Variants in KAT7 observed in about 807,000 individuals in gnomAD.
KAT7 encodes the protein histone acetyltransferase KAT7.
KAT7 carries 10 observed loss-of-function variants against 82.1 expected under a neutral mutation model. The observed-to-expected ratio is 0.12, with a 90% confidence interval of 0.08 to 0.21. The LOEUF is 0.21. KAT7 is among the 10% of genes least tolerant of loss of function. The pLI is 1.00. For missense variants in KAT7, 378 were observed against 760.9 expected, an observed-to-expected ratio of 0.50 and a Z score of 5.92; for synonymous variants, 250 against 262.5, an observed-to-expected ratio of 0.95 and a Z score of 0.46.
intron 5 of KAT7, 121 bp from the exon 6 acceptor site, chr17:49,808,998 G>A (rs1415062008): frequency 1.4e-6 from 1 of 694,324 alleles, no homozygotes. Flanking sequence ...GACAATAAGT[G>A]TGAAGACCCT....
Position 49,811,512 on chromosome 17 carries a change from G to A in KAT7, c.790G>A (p.Val264Met), listed in dbSNP as rs1365549008. ...GAGACAGCTTCGATATAAGGAAAAAGTGGCTGAACTCAGGAAGAAAAGAAA... is the reference window on the plus strand; with the variant it reads ...GAGACAGCTTCGATATAAGGAAAAAATGGCTGAACTCAGGAAGAAAAGAAA... ...TERQLRYKEK[V>M]AELRKKRNSG... Residue 264 changes from valine (V) to methionine (M), a missense_variant, in exon 7 of 15, where the codon GTG becomes ATG. By Grantham distance (21) the Val-to-Met change is conservative (BLOSUM62 1). Around this residue, in one of 6 missense-constraint regions of KAT7, gnomAD observed 102 missense variants for 129.8 expected, o/e 0.79. Transcript: ENST00000259021. 3.9e-6 allele frequency: 6 copies of A among 1,555,280 alleles called. No individual in the cohort carries two copies. Among genetic ancestry groups the A allele is most frequent in the Non-Finnish European group, 4.3e-6 (5 of 1,149,874 alleles).
At chr17:49,824,421 C>T (rs2074342882) in intron 12 of KAT7, 1 of 152,144 alleles carries the variant, frequency 6.6e-6, no homozygotes, top group Non-Finnish European at 1.5e-5. Context: ...GCACAATGGC[C>T]CAATGTTGGC....
intron 11 of KAT7, 43 bp downstream of exon 11, chr17:49,821,833 G>A: frequency 2.5e-6 from 4 of 1,601,160 alleles, no homozygotes; most frequent in Non-Finnish European, 3.4e-6. Context: ...GCCAGAGCAG[G>A]GTGATCCATG....
intron 14 of KAT7, 60 bp from the exon 15 acceptor site, chr17:49,827,341 T>A (rs1391790930): frequency 1.0e-6 from 1 of 981,850 alleles, no homozygotes; most frequent in Admixed American, 1.8e-5. Context: ...TATTTTGGAA[T>A]CTATGTAAAG....
At chr17:49,811,395 C>CT (rs2074163331) in intron 6 of KAT7, 81 bp from the exon 7 acceptor site, 1 of 652,500 alleles carries the variant, frequency 1.5e-6, no homozygotes, top group Non-Finnish European at 2.6e-6. Flanking sequence ...GCGTGAGCTA[C>CT]TGTGCCGGGC....
chr17:49,826,186 AG>A, intron 13 of KAT7, 40 bp downstream of exon 13: 1 of 1,585,832 alleles, frequency 6.3e-7, no homozygotes, highest in Non-Finnish European at 8.7e-7. Context: ...TTGTTACCCA[AG>A]AAGTTAACTC....
At chr17:49,811,707 T>C (rs1209060406) in intron 7 of KAT7, 133 bp downstream of exon 7, 4 of 416,532 alleles carry the variant, frequency 9.6e-6, no homozygotes, top group African/African-American at 8.2e-5. Flanking sequence ...GACTCTTCTA[T>C]GGCACTTAGA....
rs1433259555 is a variant in KAT7, at chr17:49,829,099, CTG to C, written c.*1599_*1600del. ...AATAAAGCATGTTCTCTGCTCAAGT[CTG>C]TTTCATCTGGGGGCTCTCATTTATA... On this transcript the variant is annotated 3_prime_UTR_variant, in exon 15 of 15. Coordinates refer to ENST00000259021, the MANE Select transcript of KAT7 (RefSeq NM_007067.5). The C allele has an allele frequency of 6.6e-6, 1 of 152,600 alleles. No individual in the cohort carries two copies. Among genetic ancestry groups the C allele is most frequent in the African/African-American group, 2.4e-5 (1 of 41,430 alleles). 9.5% of individuals were successfully genotyped at this position (152,600 alleles called of 1,614,324 possible). A position where few individuals can be genotyped will look rare whatever the true frequency, so the allele number is the denominator to read the frequency against.
At chr17:49,823,711 CTT>C (rs1032778203) in intron 12 of KAT7, 10 of 154,466 alleles carry the variant, frequency 6.5e-5, no homozygotes, top group African/African-American at 2.2e-4. Context: ...TGGATTCTGT[CTT>C]TGTGAATTTG....
intron 6 of KAT7, among the ~76,000 whole-genome samples, chr17:49,810,815 T>C (rs1351868060): frequency 6.6e-6 from 1 of 152,108 alleles, no homozygotes; most frequent in African/African-American, 2.4e-5. Context: ...GAGAACCTGA[T>C]TTGGAATTTT....
chr17:49,816,283 C>G (rs923322501), intron 8 of KAT7, among the ~76,000 whole-genome samples: 1 of 152,190 alleles, frequency 6.6e-6, no homozygotes, highest in African/African-American at 2.4e-5. Context: ...CCAACAGGAA[C>G]TCCCCTTTTG....
At chr17:49,827,362 T>C in intron 14 of KAT7, 39 bp from the exon 15 acceptor site, 1 of 1,264,036 alleles carries the variant, frequency 7.9e-7, no homozygotes. Flanking sequence ...GCACTTGAGT[T>C]GAAAGTATGT....
intron 2 of KAT7, among the ~76,000 whole-genome samples, chr17:49,794,639 G>A (rs17713809): frequency 0.023 from 3,482 of 152,316 alleles, 50 homozygotes; most frequent in Middle Eastern, 0.051. Flanking sequence ...TGAAAGATGG[G>A]AATATGTTAT....
intron 9 of KAT7, among the ~76,000 whole-genome samples, chr17:49,820,816 G>T (rs1378734127): frequency 1.3e-5 from 2 of 149,960 alleles, no homozygotes; most frequent in African/African-American, 4.9e-5. Context: ...TATAACAAAG[G>T]GAATGCACTT....
At chr17:49,793,570 T>C (rs1016147121) in intron 2 of KAT7, among the ~76,000 whole-genome samples, 5 of 151,302 alleles carry the variant, frequency 3.3e-5, no homozygotes, top group African/African-American at 9.7e-5. Context: ...GTTGCTTTGG[T>C]TAATTTTTTT....
intron 4 of KAT7, among the ~76,000 whole-genome samples, chr17:49,800,380 G>A (rs1278748658): frequency 3.9e-5 from 6 of 152,212 alleles, no homozygotes; most frequent in Non-Finnish European, 8.8e-5. Flanking sequence ...AAGTTGTCTT[G>A]AACTCCATAC....
At chr17:49,818,345 T>C (rs921076153) in intron 9 of KAT7, among the ~76,000 whole-genome samples, 2 of 152,202 alleles carry the variant, frequency 1.3e-5, no homozygotes, top group Non-Finnish European at 2.9e-5. Context: ...CCAAACTAGA[T>C]GAAAATACAG....
At chr17:49,792,436 A>AT (rs879336919) in intron 2 of KAT7, among the ~76,000 whole-genome samples, 18 of 148,990 alleles carry the variant, frequency 1.2e-4, no homozygotes, top group Admixed American at 3.4e-4. Flanking sequence ...GCTTGATTTA[A>AT]TTTTTTTTTT....
intron 4 of KAT7, among the ~76,000 whole-genome samples, chr17:49,799,676 A>G (rs938231127): frequency 2.6e-5 from 4 of 151,584 alleles, no homozygotes; most frequent in African/African-American, 7.3e-5. Flanking sequence ...GTTTGTTTTT[A>G]TAGAGAGACA....
Sources: gnomAD v4.1 joint callset for allele counts (sites outside exome capture counted in the v4.1 genomes callset) on GRCh38, gnomAD v4.1.1 for gene constraint, gnomAD v4.1.1 regional missense constraint, MANE v1.5 for transcripts, NCBI Gene and HGNC (gene_info 2026-07-23, HGNC 2026-07-21) for gene names.